The following RGS6 variants were observed in gnomAD, a reference collection of about 807,000 sequenced individuals.
RGS6 encodes regulator of G-protein signaling 6.
A neutral mutation model predicts 78.5 loss-of-function variants in RGS6; 30 were observed. That is an observed-to-expected ratio of 0.38 (90% CI 0.29 to 0.52). RGS6 has a LOEUF of 0.52. RGS6 is among the 20% of genes least tolerant of loss of function. The pLI is 0.85. For synonymous variants in RGS6, 206 were observed against 206.0 expected (o/e 1.00, Z 0.00); for missense variants, 495 against 609.7 (o/e 0.81, Z 1.98).
intron 3 of RGS6, among the ~76,000 whole-genome samples, chr14:72,362,212 A>T (rs1338059094): frequency 6.6e-6 from 1 of 152,232 alleles, no homozygotes; most frequent in East Asian, 1.9e-4. Flanking sequence ...AAACAGACAC[A>T]GGTAGATCAA....
At chr14:72,544,371 T>C (rs2153517771) in intron 17 of RGS6, among the ~76,000 whole-genome samples, 1 of 152,300 alleles carries the variant, frequency 6.6e-6, no homozygotes, top group Middle Eastern at 3.4e-3. Context: ...TCAGCCTCCC[T>C]GGGTACCTTT....
chr14:71,990,766 C>A (rs1595767407), intron 2 of RGS6: 1 of 456,036 alleles, frequency 2.2e-6, no homozygotes. Context: ...TCTCCAAACT[C>A]CAAATGCCTA....
intron 2 of RGS6, among the ~76,000 whole-genome samples, chr14:72,083,631 G>A (rs1307077758): frequency 3.3e-5 from 5 of 152,090 alleles, no homozygotes; most frequent in Non-Finnish European, 7.4e-5. Context: ...AGGGAAGCTC[G>A]GATTTGTGGG....
the RGS6 span, among the ~76,000 whole-genome samples, chr14:72,579,651 C>T: frequency 4.5e-4 from 69 of 152,294 alleles, no homozygotes; most frequent in Non-Finnish European, 8.4e-4. Context: ...CCTTAGAACG[C>T]TGGCTGCTCA....
intron 2 of RGS6, among the ~76,000 whole-genome samples, chr14:71,988,753 A>T (rs2094829548): frequency 6.6e-6 from 1 of 152,118 alleles, no homozygotes; most frequent in Non-Finnish European, 1.5e-5. Flanking sequence ...AGGAACCAAG[A>T]CCCAGTGATT....
chr14:71,900,070 C>T, the RGS6 span, among the ~76,000 whole-genome samples: 3 of 152,162 alleles, frequency 2.0e-5, no homozygotes, highest in African/African-American at 7.2e-5. Context: ...GACATCTTTA[C>T]GGTTGATATT....
At chr14:72,171,987 CGAT>C (rs763423997) in intron 2 of RGS6, among the ~76,000 whole-genome samples, 1 of 152,138 alleles carries the variant, frequency 6.6e-6, no homozygotes, top group Non-Finnish European at 1.5e-5. Flanking sequence ...CCTGCAGGGT[CGAT>C]GAGCTTGCCA....
At chr14:72,340,377 G>A (rs1177707530) in intron 2 of RGS6, among the ~76,000 whole-genome samples, 4 of 152,152 alleles carry the variant, frequency 2.6e-5, no homozygotes, top group African/African-American at 9.7e-5. Flanking sequence ...AAAAGAAGGA[G>A]GCTCCTTAGG....
chr14:72,443,315 G>A (rs1445548873), intron 3 of RGS6, among the ~76,000 whole-genome samples: 1 of 152,212 alleles, frequency 6.6e-6, no homozygotes, highest in Non-Finnish European at 1.5e-5. Context: ...TAAGATCTTT[G>A]CTCAAGAACT....
chr14:72,157,800 T>A (rs1282831883), intron 2 of RGS6, among the ~76,000 whole-genome samples: 1 of 152,100 alleles, frequency 6.6e-6, no homozygotes, highest in East Asian at 1.9e-4. Flanking sequence ...TGTAAGTGAG[T>A]GTAAAGATGC....
chr14:72,081,413 C>A (rs1006949085), intron 2 of RGS6, among the ~76,000 whole-genome samples: 7 of 152,000 alleles, frequency 4.6e-5, no homozygotes, highest in Non-Finnish European at 1.0e-4. Flanking sequence ...GAGATGCTTT[C>A]TTAGATACCA....
intron 10 of RGS6, 40 bp from the exon 11 acceptor site, chr14:72,476,702 C>T (rs1398489611): frequency 1.9e-6 from 3 of 1,567,934 alleles, no homozygotes; most frequent in African/African-American, 2.7e-5. Flanking sequence ...CCCTCCAATT[C>T]TGTGGGTGGA....
intron 2 of RGS6, among the ~76,000 whole-genome samples, chr14:72,118,995 A>G (rs2095979721): frequency 6.6e-6 from 1 of 152,076 alleles, no homozygotes; most frequent in Admixed American, 6.5e-5. Flanking sequence ...GCTTCAGTGC[A>G]TGTTTTTTTG....
intron 2 of RGS6, among the ~76,000 whole-genome samples, chr14:72,321,776 A>T (rs529346084): frequency 3.3e-5 from 5 of 152,180 alleles, no homozygotes; most frequent in African/African-American, 9.6e-5. Flanking sequence ...TAGACCCAAA[A>T]GATGACATAG....
intron 3 of RGS6, among the ~76,000 whole-genome samples, chr14:72,372,448 G>A (rs1037277208): frequency 6.6e-6 from 1 of 152,120 alleles, no homozygotes; most frequent in Non-Finnish European, 1.5e-5. Context: ...GATCTATCCT[G>A]TATGTTCCTC....
intron 17 of RGS6, among the ~76,000 whole-genome samples, chr14:72,550,088 G>A (rs896985521): frequency 2.6e-5 from 4 of 151,838 alleles, no homozygotes; most frequent in Non-Finnish European, 5.9e-5. Context: ...AACTCATCGT[G>A]GGATTGTGTA....
chr14:72,622,987 C>A, the RGS6 span, among the ~76,000 whole-genome samples: 1 of 152,208 alleles, frequency 6.6e-6, no homozygotes, highest in South Asian at 2.1e-4. Context: ...AAAAATTATG[C>A]AGCTGTAGGA....
At chr14:72,036,018 A>G (rs1411737708) in intron 2 of RGS6, among the ~76,000 whole-genome samples, 5 of 151,996 alleles carry the variant, frequency 3.3e-5, no homozygotes, top group South Asian at 2.1e-4. Flanking sequence ...TTTGTAGTCA[A>G]TATCCCTAGT....
intron 3 of RGS6, among the ~76,000 whole-genome samples, chr14:72,392,173 C>T (rs1013137299): frequency 2.0e-5 from 3 of 148,672 alleles, no homozygotes; most frequent in African/African-American, 7.7e-5. Context: ...TATATATATA[C>T]ACATACATAC....
Sources: gnomAD v4.1 joint callset for allele counts (sites outside exome capture counted in the v4.1 genomes callset) on GRCh38, gnomAD v4.1.1 for gene constraint, MANE v1.5 for transcripts, NCBI Gene and HGNC (gene_info 2026-07-23, HGNC 2026-07-21) for gene names.